The following DPYD variants were observed in gnomAD, a reference collection of about 807,000 sequenced individuals.
DPYD encodes dihydropyrimidine dehydrogenase [NADP(+)].
DPYD carries 109 observed loss-of-function variants against 116.2 expected under a neutral mutation model. The ratio of observed to expected loss-of-function variants is 0.94; its 90% confidence interval spans 0.80 to 1.10. The LOEUF (loss-of-function observed/expected upper bound fraction) is 1.10, where lower values mean the gene tolerates loss of function less well. Among genes scored for constraint, DPYD ranks in the 50% least tolerant of loss-of-function variants. The pLI is 0.00. For missense variants in DPYD, 1,302 were observed against 1,254.5 expected (o/e 1.04, Z -0.57); for synonymous variants, 440 against 432.0 (o/e 1.02, Z -0.23).
chr1:97,382,378 TA>T lies in DPYD; in HGVS notation c.1974+14del. 6.5e-7 allele frequency: 1 copy of T among 1,534,112 alleles called. No individual in the cohort carries two copies. The highest frequency in any genetic ancestry group is 8.9e-7 in the Non-Finnish European group (1 of 1,119,240). On this transcript the variant is annotated intron_variant, in intron 15 of 22. Coordinates refer to ENST00000370192, the MANE Select transcript of DPYD (RefSeq NM_000110.4). ...GAGAAGAAATAAAATAAATATATAC[TA>T]AAGTAACCATTACCTCAGACTTCTT...
At chr1:97,181,916 A>G (rs1299625544) in intron 20 of DPYD, among the ~76,000 whole-genome samples, 2 of 152,170 alleles carry the variant, frequency 1.3e-5, no homozygotes, top group East Asian at 1.9e-4. Context: ...CTGTGTACAT[A>G]TATGATTTCT....
chr1:97,481,935 G>A (rs979013263), intron 13 of DPYD, among the ~76,000 whole-genome samples: 5 of 152,082 alleles, frequency 3.3e-5, no homozygotes, highest in African/African-American at 1.2e-4. Flanking sequence ...CATTTCTAGA[G>A]AAGGATATAA....
intron 13 of DPYD, among the ~76,000 whole-genome samples, chr1:97,511,758 C>G (rs1209297960): frequency 1.3e-5 from 2 of 151,894 alleles, no homozygotes; most frequent in Non-Finnish European, 2.9e-5. Flanking sequence ...CATTTCTTCT[C>G]TCAGGACTAC....
intron 2 of DPYD, among the ~76,000 whole-genome samples, chr1:97,881,844 C>G (rs2101638909): frequency 6.6e-6 from 1 of 151,534 alleles, no homozygotes; most frequent in South Asian, 2.1e-4. Flanking sequence ...AATTATATCA[C>G]ACTCTGGGGA....
At chr1:97,702,601 C>T (rs143319722) in intron 5 of DPYD, among the ~76,000 whole-genome samples, 321 of 151,920 alleles carry the variant, frequency 2.1e-3, no homozygotes, top group Non-Finnish European at 3.9e-3. Flanking sequence ...TTTAAATGTA[C>T]TAAGGCTACA....
intron 8 of DPYD, among the ~76,000 whole-genome samples, chr1:97,635,960 T>C (rs1027111237): frequency 3.9e-5 from 6 of 152,128 alleles, no homozygotes; most frequent in African/African-American, 7.2e-5. Context: ...CCTGGGACTA[T>C]AGGCATGCAT....
At chr1:97,198,672 G>C (rs183266319) in intron 19 of DPYD, among the ~76,000 whole-genome samples, 36 of 152,272 alleles carry the variant, frequency 2.4e-4, no homozygotes, top group African/African-American at 8.4e-4. Context: ...TTGTTTAACA[G>C]CTCTGATTAG....
intron 10 of DPYD, among the ~76,000 whole-genome samples, chr1:97,577,263 C>T (rs985656462): frequency 6.6e-6 from 1 of 152,144 alleles, no homozygotes; most frequent in Non-Finnish European, 1.5e-5. Context: ...TGTGGTGGAT[C>T]AAGATATTTC....
chr1:97,402,209 G>C (rs980210203), intron 14 of DPYD, among the ~76,000 whole-genome samples: 1 of 152,048 alleles, frequency 6.6e-6, no homozygotes, highest in Non-Finnish European at 1.5e-5. Context: ...AGATCAAGCT[G>C]GGAAGAACTC....
chr1:97,364,915 C>T (rs563633969), intron 16 of DPYD, among the ~76,000 whole-genome samples: 1 of 152,256 alleles, frequency 6.6e-6, no homozygotes. Context: ...GCTCACCTAT[C>T]GCAGTTGGAA....
At chr1:97,365,923 A>G (rs1226107388) in intron 16 of DPYD, among the ~76,000 whole-genome samples, 1 of 152,168 alleles carries the variant, frequency 6.6e-6, no homozygotes, top group African/African-American at 2.4e-5. Context: ...ATGAGCCACC[A>G]TGCCTGGCCT....
intron 8 of DPYD, among the ~76,000 whole-genome samples, chr1:97,607,661 T>A (rs1312066147): frequency 1.3e-5 from 2 of 151,552 alleles, no homozygotes; most frequent in Non-Finnish European, 2.9e-5. Context: ...CTAAAGGAGA[T>A]ATTGAAGAAG....
Position 97,699,899 on chromosome 1 carries a change from G to T in DPYD, c.484-352C>A, listed in dbSNP as rs116406928. On this transcript the variant is annotated intron_variant, in intron 5 of 22. Coordinates refer to ENST00000370192, the MANE Select transcript of DPYD (RefSeq NM_000110.4). ...GTGTTATGATGTCAGTCAGTAGAATGAATGTTAGTTCCCTGAATCAGAAAA... is the reference window on the plus strand; with the variant it reads ...GTGTTATGATGTCAGTCAGTAGAATTAATGTTAGTTCCCTGAATCAGAAAA... 1.5e-3 allele frequency among the ~76,000 whole-genome samples: 224 copies of T among 152,150 alleles called. 1 individual carries two copies. The highest frequency in any genetic ancestry group is 5.2e-3 in the African/African-American group (218 of 41,530).
At chr1:97,218,814 C>T (rs1570694955) in intron 19 of DPYD, among the ~76,000 whole-genome samples, 3 of 151,976 alleles carry the variant, frequency 2.0e-5, no homozygotes, top group African/African-American at 7.3e-5. Flanking sequence ...GTTGTGAACA[C>T]ATTGAAAATA....
intron 5 of DPYD, among the ~76,000 whole-genome samples, chr1:97,714,212 CT>C (rs1662469366): frequency 6.6e-6 from 1 of 151,924 alleles, no homozygotes; most frequent in South Asian, 2.1e-4. Flanking sequence ...TAGACCCCCC[CT>C]TTTTATTTAT....
chr1:97,169,817 T>C (rs1218636688), intron 20 of DPYD, among the ~76,000 whole-genome samples: 1 of 152,160 alleles, frequency 6.6e-6, no homozygotes, highest in Non-Finnish European at 1.5e-5. Flanking sequence ...TGCTCTGCCT[T>C]GGATTGTTGA....
intron 3 of DPYD, among the ~76,000 whole-genome samples, chr1:97,762,302 A>T (rs989006986): frequency 6.6e-6 from 1 of 152,176 alleles, no homozygotes; most frequent in African/African-American, 2.4e-5. Flanking sequence ...CAGAGTGACA[A>T]GATTAACACC....
At chr1:97,585,237 T>C (rs1424307683) in intron 10 of DPYD, among the ~76,000 whole-genome samples, 1 of 152,052 alleles carries the variant, frequency 6.6e-6, no homozygotes, top group Non-Finnish European at 1.5e-5. Context: ...ATGGAATAAG[T>C]ATAAAGTAAT....
At chr1:97,680,617 A>G (rs1660380284) in intron 7 of DPYD, among the ~76,000 whole-genome samples, 1 of 152,154 alleles carries the variant, frequency 6.6e-6, no homozygotes. Context: ...TGCCTTAGGG[A>G]TATGTCAACT....
Sources: allele counts gnomAD v4.1 joint callset (sites outside exome capture counted in the v4.1 genomes callset), GRCh38; gene constraint gnomAD v4.1.1; transcripts MANE v1.5; gene names NCBI Gene and HGNC (gene_info 2026-07-23, HGNC 2026-07-21).